The following SOX5 variants were observed in gnomAD, a reference collection of about 807,000 sequenced individuals.
SOX5 encodes the protein SRY-box transcription factor 5, also known as transcription factor SOX-5.
In SOX5, 9 loss-of-function variants were observed where a neutral mutation model predicts 92.0. The ratio of observed to expected loss-of-function variants is 0.10; its 90% CI spans 0.06 to 0.17. The LOEUF (loss-of-function observed/expected upper bound fraction) is 0.17. Among genes scored for constraint, SOX5 ranks in the 10% least tolerant of loss-of-function variants. The probability of loss-of-function intolerance (pLI) is 1.00; values close to 1 mark genes in which losing one functional copy is unlikely to be tolerated. For synonymous variants in SOX5, 344 were observed against 336.3 expected (o/e 1.02, Z -0.25); for missense variants, 642 against 944.5 (o/e 0.68, Z 4.20).
At position 24,420,947 on chromosome 12, in the gene SOX5, TG is replaced by T. The variant is rs1225651886; in HGVS notation, c.-250-52309del. On this transcript the variant is annotated intron_variant, in intron 1 of 4. Transcript: ENST00000446891. ...TATGCCACCAACAAAATCCATACTG[TG>T]GGAAATTCTTTAGGTCAAACAACTT... Among the ~76,000 whole-genome samples, 5 of 152,080 alleles carry T rather than the reference TG, an allele frequency of 3.3e-5. No individual in the cohort carries two copies. The East Asian group carries it at 9.6e-4, about 29-fold the overall frequency.
Position 24,289,196 on chromosome 12 carries a change from A to C in SOX5, c.-173-11884T>G, listed in dbSNP as rs144362120. 2.4e-3 allele frequency among the ~76,000 whole-genome samples: 365 copies of C among 152,068 alleles called. 3 individuals are homozygous for C. Among genetic ancestry groups the C allele is most frequent in the African/African-American group, 8.3e-3 (346 of 41,526 alleles). ...TTGGAGACTCTGAGGCAGGAGGATC[A>C]CTTGAGCCCAGGAGGAGGAGGCTGC... On this transcript the variant is annotated intron_variant, in intron 2 of 4. Transcript: ENST00000446891.
At chr12:23,982,054 T>TATC (rs1949621779) in intron 4 of SOX5, among the ~76,000 whole-genome samples, 1 of 152,186 alleles carries the variant, frequency 6.6e-6, no homozygotes. Context: ...CTGTGAAGTA[T>TATC]GATTGATGGA....
chr12:24,180,537 C>G (rs1225164998), intron 4 of SOX5, among the ~76,000 whole-genome samples: 1 of 152,128 alleles, frequency 6.6e-6, no homozygotes, highest in Non-Finnish European at 1.5e-5. Flanking sequence ...TTAGCCCAGT[C>G]TGGAAGTTTA....
chr12:23,583,587 C>T lies in SOX5; in HGVS notation c.1165-7749G>A, dbSNP rs566078870. ...AATGGTTATTTTGTCCTATAGTGTT[C>T]ATTACGGCTGGATGATTGCTGTTAT... is the stretch of plus-strand genomic sequence containing the variant. On this transcript the variant is annotated intron_variant, in intron 9 of 14. Transcript: ENST00000451604. Among the ~76,000 whole-genome samples the T allele has an allele frequency of 3.3e-5, 5 of 152,204 alleles. No homozygotes were observed. In the South Asian group the frequency reaches 1.0e-3, roughly 32 times the overall value.
At chr12:24,251,593 T>A (rs1940068373) in intron 3 of SOX5, among the ~76,000 whole-genome samples, 1 of 150,498 alleles carries the variant, frequency 6.6e-6, no homozygotes, top group African/African-American at 2.4e-5. Flanking sequence ...TTTCTTCAGA[T>A]GAAGTCTCAC....
intron 4 of SOX5, among the ~76,000 whole-genome samples, chr12:24,152,905 T>C (rs1951803094): frequency 6.6e-6 from 1 of 152,118 alleles, no homozygotes; most frequent in Non-Finnish European, 1.5e-5. Flanking sequence ...TGTTTCCCTT[T>C]GAAATGTTTA....
intron 4 of SOX5, among the ~76,000 whole-genome samples, chr12:24,053,791 TTTCA>T (rs1301012282): frequency 6.6e-6 from 1 of 152,208 alleles, no homozygotes. Context: ...ATTTAATAGC[TTTCA>T]TTGAGTGTTA....
At chr12:23,639,894 C>T (rs1024797371) in intron 8 of SOX5, among the ~76,000 whole-genome samples, 17 of 152,184 alleles carry the variant, frequency 1.1e-4, no homozygotes, top group Admixed American at 1.0e-3. Context: ...ATGACAATAC[C>T]TTTTCACGAA....
chr12:24,229,397 G>A (rs1446037902), intron 3 of SOX5, among the ~76,000 whole-genome samples: 2 of 149,296 alleles, frequency 1.3e-5, no homozygotes, highest in African/African-American at 4.9e-5. Flanking sequence ...ATAGGGCTGG[G>A]GAAACTGTAG....
At chr12:23,829,963 G>T (rs912347791) in intron 3 of SOX5, among the ~76,000 whole-genome samples, 1 of 152,094 alleles carries the variant, frequency 6.6e-6, no homozygotes, top group Non-Finnish European at 1.5e-5. Flanking sequence ...TCCAGGACCT[G>T]CTATATAAAA....
At chr12:23,587,276 C>T (rs572199752) in intron 9 of SOX5, among the ~76,000 whole-genome samples, 4 of 151,916 alleles carry the variant, frequency 2.6e-5, no homozygotes, top group Admixed American at 6.6e-5. Context: ...TTTATTCGTA[C>T]AGAAAGATTA....
At chr12:23,828,012 A>C (rs1205096177) in intron 3 of SOX5, among the ~76,000 whole-genome samples, 2 of 152,206 alleles carry the variant, frequency 1.3e-5, no homozygotes, top group Admixed American at 1.3e-4. Context: ...TTCCACATAT[A>C]GTTAACTCTA....
At chr12:24,173,530 A>G (rs1167975936) in intron 4 of SOX5, among the ~76,000 whole-genome samples, 3 of 152,226 alleles carry the variant, frequency 2.0e-5, no homozygotes, top group Admixed American at 1.3e-4. Flanking sequence ...TTCACAAGGA[A>G]TGCAGCCTTT....
intron 1 of SOX5, among the ~76,000 whole-genome samples, chr12:24,454,984 A>T (rs138535037): frequency 4.5e-4 from 68 of 152,324 alleles, no homozygotes; most frequent in African/African-American, 8.4e-4. Context: ...TTTCAGGCCA[A>T]CTAAGGGGAT....
chr12:23,541,050 T>G (rs1458533446), intron 13 of SOX5, among the ~76,000 whole-genome samples: 1 of 152,218 alleles, frequency 6.6e-6, no homozygotes, highest in East Asian at 1.9e-4. Context: ...TGTTATATCT[T>G]TAAAGAATAC....
chr12:23,594,715 A>G (rs1489256172), intron 9 of SOX5, among the ~76,000 whole-genome samples: 3 of 152,286 alleles, frequency 2.0e-5, no homozygotes, highest in East Asian at 3.9e-4. Flanking sequence ...AAAAAATCCT[A>G]TAGGATCTGG....
At chr12:24,364,979 C>T (rs1273443304) in intron 2 of SOX5, among the ~76,000 whole-genome samples, 1 of 151,942 alleles carries the variant, frequency 6.6e-6, no homozygotes, top group Non-Finnish European at 1.5e-5. Flanking sequence ...TGATCATCCC[C>T]CAAAATAGCT....
At chr12:24,213,541 G>A (rs1958889346) in intron 3 of SOX5, 2 of 150,462 alleles carry the variant, frequency 1.3e-5, no homozygotes, top group South Asian at 2.1e-4. Flanking sequence ...GATAAAGATA[G>A]TTAAATGAGA....
intron 11 of SOX5, among the ~76,000 whole-genome samples, chr12:23,555,038 T>C (rs1396633501): frequency 6.6e-6 from 1 of 152,096 alleles, no homozygotes; most frequent in Non-Finnish European, 1.5e-5. Context: ...ACAACAAAAG[T>C]GAGTCTTACT....
Sources: allele counts gnomAD v4.1 joint callset (sites outside exome capture counted in the v4.1 genomes callset), GRCh38; gene constraint gnomAD v4.1.1; transcripts MANE v1.5; gene names NCBI Gene and HGNC (gene_info 2026-07-23, HGNC 2026-07-21).